Variants in NFKBIZ observed in about 807,000 individuals in gnomAD.
NFKBIZ encodes the protein NFKB inhibitor zeta.
Under a neutral mutation model 76.8 loss-of-function variants are expected in NFKBIZ, and 19 were observed. That is an observed-to-expected ratio of 0.25 (90% CI 0.17 to 0.36). NFKBIZ has a LOEUF of 0.36. Among genes scored for constraint, NFKBIZ ranks in the 10% least tolerant of loss-of-function variants. The pLI, the probability that NFKBIZ is intolerant of heterozygous loss-of-function variation, is 1.00. For synonymous variants in NFKBIZ, 368 were observed against 354.8 expected, an observed-to-expected ratio of 1.04 and a Z score of -0.42; for missense variants, 829 against 910.9, an observed-to-expected ratio of 0.91 and a Z score of 1.16.
chr3:101,854,914 G>C, intron 6 of NFKBIZ, 148 bp from the exon 7 acceptor site: 1 of 943,306 alleles, frequency 1.1e-6, no homozygotes, highest in East Asian at 2.7e-5. Flanking sequence ...GCTTACTTTA[G>C]TTTCCTTGTC....
chr3:101,844,641 C>G (rs1433667265), upstream of NFKBIZ, among the ~76,000 whole-genome samples: 2 of 152,190 alleles, frequency 1.3e-5, no homozygotes, highest in Non-Finnish European at 2.9e-5. Flanking sequence ...ACCGAAATAG[C>G]AAGTCCAGAC....
chr3:101,850,640 A>C (rs1274539885), intron 1 of NFKBIZ, among the ~76,000 whole-genome samples: 5 of 152,166 alleles, frequency 3.3e-5, no homozygotes, highest in African/African-American at 4.8e-5. Context: ...GGGGGAAAAC[A>C]GGATGCCCCT....
intron 9 of NFKBIZ, 40 bp from the exon 10 acceptor site, chr3:101,857,033 A>AG: frequency 9.2e-7 from 1 of 1,088,176 alleles, no homozygotes; most frequent in Non-Finnish European, 1.3e-6. Context: ...TAGTATCTGG[A>AG]TTTTTTTTTT....
chr3:101,845,199 C>G (rs879466292), upstream of NFKBIZ, among the ~76,000 whole-genome samples: 1 of 150,384 alleles, frequency 6.6e-6, no homozygotes. Context: ...ACCCGGGAGG[C>G]GGAGCTTGTG....
At chr3:101,847,945 C>T (rs185769604), upstream of NFKBIZ, among the ~76,000 whole-genome samples, 2 of 152,360 alleles carry the variant, frequency 1.3e-5, no homozygotes, top group East Asian at 1.9e-4. Context: ...GGTCGTGGCT[C>T]CAAGCCATGG....
At chr3:101,855,686 G>T in intron 8 of NFKBIZ, 47 bp from the exon 9 acceptor site, 2 of 1,541,028 alleles carry the variant, frequency 1.3e-6, no homozygotes, top group East Asian at 2.3e-5. Flanking sequence ...AGGACCAAAA[G>T]ACCTGATGGG....
chr3:101,859,025 A>G (rs1943096320), intron 11 of NFKBIZ, among the ~76,000 whole-genome samples: 1 of 152,186 alleles, frequency 6.6e-6, no homozygotes, highest in Non-Finnish European at 1.5e-5. Context: ...TTAGGAAAAG[A>G]ATATAGGTGT....
intron 1 of NFKBIZ, among the ~76,000 whole-genome samples, chr3:101,851,714 A>C (rs746063754): frequency 9.2e-5 from 14 of 152,218 alleles, no homozygotes; most frequent in Non-Finnish European, 1.6e-4. Flanking sequence ...AGGATGGCAA[A>C]ATCTGTCATC....
intron 3 of NFKBIZ, 31 bp from the exon 4 acceptor site, chr3:101,852,855 G>A (rs1335373538): frequency 6.2e-7 from 1 of 1,604,408 alleles, no homozygotes; most frequent in South Asian, 1.1e-5. Context: ...AAAATAAAAT[G>A]ATGACAGAGG....
At chr3:101,834,036 G>A (rs1942681440) in intron 2 of NFKBIZ, among the ~76,000 whole-genome samples, 1 of 152,154 alleles carries the variant, frequency 6.6e-6, no homozygotes, top group Admixed American at 6.5e-5. Flanking sequence ...GCCTTGGTGG[G>A]AATTAATTTT....
Position 101,855,150 on chromosome 3 carries a change from G to T in NFKBIZ, c.1532G>T (p.Cys511Phe). 2.5e-6 allele frequency: 4 copies of T among 1,613,978 alleles called. No homozygotes were observed. The highest frequency in any genetic ancestry group is 3.4e-6 in the Non-Finnish European group (4 of 1,179,972). The change falls in exon 7 of 12, where the codon TGC becomes TTC. Residue 511 changes from cysteine to phenylalanine, a missense_variant. Physicochemically the swap from Cys to Phe is radical, Grantham distance 205. Coordinates refer to ENST00000326172, the MANE Select transcript of NFKBIZ (RefSeq NM_031419.4). ...GGGGCACAGGTGAACACCACAGACT[G>T]CTGGGGAAGAACACCTCTGCATGTG... ...NIGAQVNTTDCWGRTPLHVCA... is the reference protein window; with the variant it reads ...NIGAQVNTTDFWGRTPLHVCA...
At chr3:101,844,550 T>G (rs1942826205), upstream of NFKBIZ, among the ~76,000 whole-genome samples, 1 of 152,248 alleles carries the variant, frequency 6.6e-6, no homozygotes, top group Non-Finnish European at 1.5e-5. Context: ...ACATTTTGAA[T>G]GTTTCAGCAT....
At position 101,860,232 on chromosome 3, in the gene NFKBIZ, A is replaced by T. The variant is rs1397746405; in HGVS notation, c.*861A>T. On this transcript the variant is annotated 3_prime_UTR_variant, in exon 12 of 12. Coordinates refer to ENST00000326172, the MANE Select transcript of NFKBIZ (RefSeq NM_031419.4). Reference sequence around the variant, plus strand: ...GGTCTTGCTCTGGCGCCCAGGCTGGAGTACAGTGGCATGATCTTGGCTCAC... The same window carrying T: ...GGTCTTGCTCTGGCGCCCAGGCTGGTGTACAGTGGCATGATCTTGGCTCAC... 4 of 147,318 alleles carry T rather than the reference A, an allele frequency of 2.7e-5. No individual in the cohort carries two copies. The highest frequency in any genetic ancestry group is 1.0e-4 in the African/African-American group (4 of 39,402). The allele number at this position is 147,318 out of a possible 1,614,324, so 9.1% of individuals were successfully genotyped here.
chr3:101,854,132 G>C (rs1337538954), intron 5 of NFKBIZ, among the ~76,000 whole-genome samples: 1 of 152,282 alleles, frequency 6.6e-6, no homozygotes, highest in African/African-American at 2.4e-5. Flanking sequence ...TGGAAGACCA[G>C]CGTAGACTAT....
intron 2 of NFKBIZ, among the ~76,000 whole-genome samples, chr3:101,839,362 A>G (rs1014578416): frequency 8.5e-5 from 13 of 152,190 alleles, no homozygotes; most frequent in Admixed American, 6.5e-4. Flanking sequence ...TCCCTCATTC[A>G]GTTTGACAAA....
In NFKBIZ at chr3:101,849,640, C is replaced by G; in HGVS notation, c.12C>G (p.Asp4Glu). MIV[D>E]KLLDDSRGGE... The stretch of plus-strand genomic sequence containing the variant: ...CCCAGCCTGGGAGCATGATTGTGGA[C>G]AAGCTGCTGGACGACAGCCGCGGCG... Residue 4 changes from aspartate to glutamate, a missense_variant, in exon 1 of 12, where the codon GAC becomes GAG. Transcript: ENST00000326172. 2 of 1,380,290 alleles carry G rather than the reference C, an allele frequency of 1.4e-6. No homozygotes were observed. Among genetic ancestry groups the G allele is most frequent in the Non-Finnish European group, 1.9e-6 (2 of 1,075,856 alleles). The allele number at this position is 1,380,290 out of a possible 1,614,324, so 85.5% of individuals were successfully genotyped here.
At chr3:101,842,643 A>G (rs1179089537) in intron 2 of NFKBIZ, among the ~76,000 whole-genome samples, 2 of 69,412 alleles carry the variant, frequency 2.9e-5, no homozygotes, top group African/African-American at 1.2e-4. Context: ...AGTGTATTTT[A>G]TGTGTGGCCC....
rs1374069945 is a variant in NFKBIZ, at chr3:101,840,694, CT to C, written c.-12+11007del. Among the ~76,000 whole-genome samples the C allele has an allele frequency of 2.0e-5, 3 of 152,190 alleles. No individual in the cohort carries two copies. In the East Asian group the frequency reaches 5.8e-4, roughly 29 times the overall value. ...CTGTAGCATTGCTGTGATTCAGGGT[CT>C]GTTTATAAGGCATCTGTTTATTGGG... On this transcript the variant is annotated intron_variant, in intron 2 of 12. Transcript: ENST00000394054.
rs752052828 is a variant in NFKBIZ, at chr3:101,855,083, G to A, written c.1465G>A (p.Ala489Thr). Residue 489 changes from alanine (A) to threonine (T), a missense_variant, in exon 7 of 12, where the codon GCT (alanine) becomes ACT (threonine). By Grantham distance (58) the Ala-to-Thr change is moderately conservative (BLOSUM62 0). This residue lies in a region of NFKBIZ where 272 missense variants were observed against 384.2 expected (regional missense o/e 0.71). Transcript: ENST00000326172. The part of the protein sequence containing the change: ...NGQSAFQVAV[A>T]ANQHLIVQDL... ...ACAGAGTGCCTTTCAGGTGGCAGTG[G>A]CTGCCAATCAGCATCTCATTGTGCA... 1 of 1,608,930 alleles carries A rather than the reference G, an allele frequency of 6.2e-7. No individual in the cohort carries two copies. The highest frequency in any genetic ancestry group is 8.5e-7 in the Non-Finnish European group (1 of 1,178,636).
Sources: allele counts gnomAD v4.1 joint callset (sites outside exome capture counted in the v4.1 genomes callset), GRCh38; gene constraint gnomAD v4.1.1; regional missense constraint gnomAD v4.1.1; transcripts MANE v1.5; gene names NCBI Gene and HGNC (gene_info 2026-07-23, HGNC 2026-07-21).